ASTN1: variants seen among roughly 807,000 people sequenced by gnomAD.
ASTN1 encodes the protein astrotactin 1.
Under a neutral mutation model 140.7 loss-of-function variants are expected in ASTN1, and 41 were observed. That is an observed-to-expected ratio of 0.29 (90% CI 0.23 to 0.38). The LOEUF is 0.38. Among genes scored for constraint, ASTN1 ranks in the 10% least tolerant of loss-of-function variants. The pLI is 1.00. For synonymous variants in ASTN1, 640 were observed against 652.2 expected (o/e 0.98, Z 0.29); for missense variants, 1,479 against 1,678.8 (o/e 0.88, Z 2.08).
At chr1:177,112,222 G>T (rs1680855325) in intron 1 of ASTN1, among the ~76,000 whole-genome samples, 1 of 152,164 alleles carries the variant, frequency 6.6e-6, no homozygotes, top group Non-Finnish European at 1.5e-5. Context: ...CATAGTCTGT[G>T]GTAATTGCTT....
chr1:177,149,110 G>C (rs934356954), intron 1 of ASTN1, among the ~76,000 whole-genome samples: 3 of 108,312 alleles, frequency 2.8e-5, no homozygotes, highest in East Asian at 2.8e-4. Context: ...TATATATAGT[G>C]TATATATAGT....
Position 177,032,634 on chromosome 1 carries a change from G to A in ASTN1, c.687C>T (p.Gly229=), listed in dbSNP as rs773011017. The A allele has an allele frequency of 3.1e-6, 5 of 1,614,082 alleles. No individual in the cohort carries two copies. The East Asian group carries it at 1.1e-4, about 36-fold the overall frequency. The change falls in exon 3 of 23, where the codon GGC becomes GGT. Residue 229 remains glycine, a synonymous_variant. Transcript: ENST00000361833. ...NARVQGHNSS[G]TLSIRETPIL... is the part of the protein sequence containing the mutation. ...TAGGTGTCTCCCGGATGCTCAGGGT[G>A]CCACTGGAGTTGTGGCCCTGCACGC...
intron 2 of ASTN1, among the ~76,000 whole-genome samples, chr1:177,047,242 T>A (rs1045823213): frequency 1.3e-5 from 2 of 152,064 alleles, no homozygotes; most frequent in South Asian, 4.2e-4. Flanking sequence ...AAAACTGAAT[T>A]TTAAAAAGAG....
chr1:176,938,406 T>A (rs534991826), intron 14 of ASTN1, among the ~76,000 whole-genome samples: 6 of 152,300 alleles, frequency 3.9e-5, no homozygotes, highest in African/African-American at 1.2e-4. Flanking sequence ...TAAATAAAAA[T>A]TTTTCAAATT....
At chr1:177,073,269 C>T (rs912672518) in intron 1 of ASTN1, among the ~76,000 whole-genome samples, 9 of 152,106 alleles carry the variant, frequency 5.9e-5, no homozygotes, top group Non-Finnish European at 1.2e-4. Context: ...CTGACTCTGT[C>T]TCTTTCATTC....
chr1:176,892,291 G>C (rs540606762), intron 17 of ASTN1, among the ~76,000 whole-genome samples: 1 of 152,146 alleles, frequency 6.6e-6, no homozygotes, highest in South Asian at 2.1e-4. Flanking sequence ...GTCTGTTAGG[G>C]AGACCAGTGA....
intron 8 of ASTN1, among the ~76,000 whole-genome samples, chr1:177,013,272 T>A (rs1375296553): frequency 6.6e-6 from 1 of 152,198 alleles, no homozygotes; most frequent in African/African-American, 2.4e-5. Context: ...CGTTTTGACT[T>A]CCCCAAGTTT....
At position 177,145,599 on chromosome 1, in the gene ASTN1, A is replaced by G. The variant is rs147943259; in HGVS notation, c.283+18795T>C. Among the ~76,000 whole-genome samples the G allele has an allele frequency of 2.6e-4, 39 of 152,302 alleles. No homozygotes were observed. In the East Asian group the frequency reaches 7.3e-3, roughly 29 times the overall value. On this transcript the variant is annotated intron_variant, in intron 1 of 22. Transcript: ENST00000361833. The stretch of plus-strand genomic sequence containing the variant: ...TCTCCATAGGACCCACGGGACTCTC[A>G]TAACAGTTCAGGAACAAAAACAGAC...
intron 1 of ASTN1, among the ~76,000 whole-genome samples, chr1:177,157,033 C>G (rs1029603922): frequency 6.6e-6 from 1 of 152,054 alleles, no homozygotes; most frequent in African/African-American, 2.4e-5. Flanking sequence ...CCAAGAGAAG[C>G]GTAAGAAGAT....
At chr1:177,022,809 G>A (rs1675896314) in intron 7 of ASTN1, among the ~76,000 whole-genome samples, 2 of 152,160 alleles carry the variant, frequency 1.3e-5, no homozygotes, top group Non-Finnish European at 2.9e-5. Flanking sequence ...ACATACAACG[G>A]AATACCAAAT....
At chr1:176,945,350 A>T (rs1671908419) in intron 13 of ASTN1, among the ~76,000 whole-genome samples, 1 of 152,238 alleles carries the variant, frequency 6.6e-6, no homozygotes, top group Non-Finnish European at 1.5e-5. Context: ...CAATGAATTC[A>T]TTCAATATTA....
intron 16 of ASTN1, among the ~76,000 whole-genome samples, chr1:176,901,961 A>T (rs1357685529): frequency 1.3e-5 from 2 of 152,128 alleles, no homozygotes; most frequent in Non-Finnish European, 2.9e-5. Context: ...TATGCTTCAG[A>T]CCCTGTTCTT....
At chr1:176,956,673 C>T (rs114604126) in intron 11 of ASTN1, among the ~76,000 whole-genome samples, 1 of 152,168 alleles carries the variant, frequency 6.6e-6, no homozygotes, top group Non-Finnish European at 1.5e-5. Flanking sequence ...CTGACCCATT[C>T]CCTCTCCTCT....
Position 177,159,135 on chromosome 1 carries a change from T to C in ASTN1, c.283+5259A>G, listed in dbSNP as rs1683374281. ...AAAACTCTAATTACTTGAATTCAAG[T>C]CATATCAACATATCTAAAAAAGCAG... On this transcript the variant is annotated intron_variant, in intron 1 of 22. Transcript: ENST00000361833. Among the ~76,000 whole-genome samples the C allele has an allele frequency of 3.9e-5, 6 of 151,942 alleles. No homozygotes were observed. The South Asian group carries it at 1.2e-3, about 32-fold the overall frequency.
intron 16 of ASTN1, among the ~76,000 whole-genome samples, chr1:176,895,203 C>T (rs1669454867): frequency 6.6e-6 from 1 of 152,194 alleles, no homozygotes; most frequent in Non-Finnish European, 1.5e-5. Context: ...CTATGTCTAG[C>T]ATTGGGTAAT....
intron 2 of ASTN1, among the ~76,000 whole-genome samples, chr1:177,036,425 G>T (rs1676723533): frequency 6.6e-6 from 1 of 152,060 alleles, no homozygotes; most frequent in African/African-American, 2.4e-5. Context: ...ATTTGAAAAA[G>T]GATTCTCAGG....
At chr1:177,002,705 G>C (rs548147057) in intron 8 of ASTN1, among the ~76,000 whole-genome samples, 14 of 152,154 alleles carry the variant, frequency 9.2e-5, no homozygotes, top group Non-Finnish European at 2.1e-4. Flanking sequence ...TATAGTATGA[G>C]TGTTTGAACA....
chr1:177,129,246 TAG>T (rs1681823465), intron 1 of ASTN1, among the ~76,000 whole-genome samples: 1 of 152,170 alleles, frequency 6.6e-6, no homozygotes. Flanking sequence ...ACTGCGTTCA[TAG>T]AACAAGTTGG....
chr1:176,942,836 GTATATATATATATATA>G (rs71129590), intron 14 of ASTN1, among the ~76,000 whole-genome samples: 2 of 50,292 alleles, frequency 4.0e-5, no homozygotes, highest in South Asian at 9.5e-4. Context: ...ATATATATAT[GTATATATATATATATA>G]TATATATATA....
Sources: allele counts gnomAD v4.1 joint callset (sites outside exome capture counted in the v4.1 genomes callset), GRCh38; gene constraint gnomAD v4.1.1; transcripts MANE v1.5; gene names NCBI Gene and HGNC (gene_info 2026-07-23, HGNC 2026-07-21).